ATP11B: variants seen among roughly 807,000 people sequenced by gnomAD.
The protein encoded by ATP11B is ATPase phospholipid transporting 11B (putative), also known as phospholipid-transporting ATPase IF.
A neutral mutation model predicts 157.8 loss-of-function variants in ATP11B; 81 were observed. The observed-to-expected ratio is 0.51, with a 90% confidence interval of 0.43 to 0.62. The LOEUF (loss-of-function observed/expected upper bound fraction) is 0.62, where lower values mean the gene tolerates loss of function less well. ATP11B is among the 20% of genes least tolerant of loss of function. ATP11B has a pLI of 0.00. For synonymous variants in ATP11B, 451 were observed against 469.4 expected, an observed-to-expected ratio of 0.96 and a Z score of 0.51; for missense variants, 1,165 against 1,402.2, an observed-to-expected ratio of 0.83 and a Z score of 2.70.
chr3:182,817,268 G>A (rs1717020495), intron 1 of ATP11B, among the ~76,000 whole-genome samples: 1 of 151,280 alleles, frequency 6.6e-6, no homozygotes, highest in Admixed American at 6.6e-5. Flanking sequence ...GTATTTTGGG[G>A]GGACCGTTTT....
intron 2 of ATP11B, among the ~76,000 whole-genome samples, chr3:182,822,169 G>T (rs1560064783): frequency 6.6e-6 from 1 of 151,534 alleles, no homozygotes; most frequent in Non-Finnish European, 1.5e-5. Context: ...TGCACAGCGT[G>T]CAGGTTTGTT....
At chr3:182,855,739 T>C (rs534917486) in intron 10 of ATP11B, among the ~76,000 whole-genome samples, 4 of 152,240 alleles carry the variant, frequency 2.6e-5, no homozygotes, top group African/African-American at 9.6e-5. Flanking sequence ...ACCACATGCA[T>C]AATACATATT....
intron 8 of ATP11B, chr3:182,844,650 G>A (rs1719324720): frequency 1.9e-6 from 1 of 529,362 alleles, no homozygotes. Flanking sequence ...AACATACCTT[G>A]TACTTTGTAT....
intron 10 of ATP11B, 104 bp from the exon 11 acceptor site, chr3:182,857,774 C>A: frequency 1.6e-6 from 1 of 644,016 alleles, no homozygotes; most frequent in Non-Finnish European, 2.6e-6. Context: ...ACAGTAATAC[C>A]CTCTATGTTT....
chr3:182,867,898 A>T (rs560647), intron 15 of ATP11B, among the ~76,000 whole-genome samples: 78,907 of 152,044 alleles, frequency 0.52, 23,302 homozygotes, highest in Non-Finnish European at 0.67. Flanking sequence ...GGGTTGTTTT[A>T]AAAAGAGGTA....
At position 182,880,903 on chromosome 3, in the gene ATP11B, C is replaced by A; in HGVS notation, c.2431C>A (p.Pro811Thr). The change falls in exon 21 of 30, where the codon CCT becomes ACT. Residue 811 changes from proline (P) to threonine (T), a missense_variant. By Grantham distance (38) the Pro-to-Thr change is conservative (BLOSUM62 -1). Around this residue, in one of 4 missense-constraint regions of ATP11B, gnomAD observed 737 missense variants for 930.5 expected, o/e 0.79. Transcript: ENST00000323116. ...GGTAATAAGACTAATAAAAATATCA[C>A]CTGAGAAACCTATAACATTGGCTGT... ...AKVIRLIKIS[P>T]EKPITLAVGD... is the part of the protein sequence containing the mutation. 1.3e-6 allele frequency: 2 copies of A among 1,595,306 alleles called. No homozygotes were observed. The highest frequency in any genetic ancestry group is 1.7e-6 in the Non-Finnish European group (2 of 1,173,048).
chr3:182,842,031 C>G, intron 7 of ATP11B, 44 bp from the exon 8 acceptor site: 3 of 1,268,470 alleles, frequency 2.4e-6, no homozygotes, highest in Non-Finnish European at 3.4e-6. Context: ...CCATTGATGT[C>G]ATAAGTGATA....
intron 4 of ATP11B, chr3:182,833,957 C>T (rs1362138089): frequency 6.6e-6 from 1 of 152,080 alleles, no homozygotes; most frequent in Non-Finnish European, 1.5e-5. Context: ...TTAAGGAAGC[C>T]AGAAGATGCT....
intron 10 of ATP11B, among the ~76,000 whole-genome samples, chr3:182,855,796 T>G (rs913172327): frequency 6.6e-6 from 1 of 152,136 alleles, no homozygotes; most frequent in African/African-American, 2.4e-5. Flanking sequence ...TGAAAAGATA[T>G]TCAGCATCAT....
chr3:182,878,422 C>T (rs1338450790), intron 19 of ATP11B, among the ~76,000 whole-genome samples: 1 of 152,182 alleles, frequency 6.6e-6, no homozygotes, highest in Non-Finnish European at 1.5e-5. Context: ...TGAGTACTGG[C>T]TTTCAGCAAC....
At chr3:182,795,088 G>T (rs1715517863) in intron 1 of ATP11B, among the ~76,000 whole-genome samples, 1 of 151,550 alleles carries the variant, frequency 6.6e-6, no homozygotes, top group Non-Finnish European at 1.5e-5. Context: ...TCCTACAAAT[G>T]TTGGGTCTCT....
chr3:182,869,794 T>A (rs543646), intron 17 of ATP11B, among the ~76,000 whole-genome samples: 109,049 of 152,152 alleles, frequency 0.72, 39,555 homozygotes, highest in Non-Finnish European at 0.78. Context: ...CACAAAAAAA[T>A]CTTATACACG....
intron 21 of ATP11B, among the ~76,000 whole-genome samples, chr3:182,882,208 C>T (rs75593308): frequency 0.039 from 5,874 of 152,176 alleles, 149 homozygotes; most frequent in Non-Finnish European, 0.057. Flanking sequence ...CAACTCCTTC[C>T]TCTTTCAGAT....
Position 182,820,328 on chromosome 3 carries a change from C to A in ATP11B, c.96C>A (p.Gly32=), listed in dbSNP as rs1717250942. The change falls in exon 2 of 30, where the codon GGC becomes GGA. Residue 32 remains glycine, a synonymous_variant. Coordinates refer to ENST00000323116, the MANE Select transcript of ATP11B (RefSeq NM_014616.3). ...TAGCCAACAGGTTTCCTCAGAATGG[C>A]CTTTACACACCTCAGAAATTTATAG... is the stretch of plus-strand genomic sequence containing the variant. The part of the protein sequence containing the change: ...IYVANRFPQN[G]LYTPQKFIDN... 1.2e-6 allele frequency: 2 copies of A among 1,613,564 alleles called. No individual in the cohort carries two copies. Among genetic ancestry groups the A allele is most frequent in the Non-Finnish European group, 1.7e-6 (2 of 1,179,498 alleles).
chr3:182,858,008 C>T lies in ATP11B; in HGVS notation c.982C>T (p.His328Tyr), dbSNP rs1355931745. 5.6e-6 allele frequency: 9 copies of T among 1,610,962 alleles called. No homozygotes were observed. Among genetic ancestry groups the T allele is most frequent in the African/African-American group, 2.7e-5 (2 of 74,858 alleles). ...DEPWYNQKTE[H>Y]QRNSSKILRF... ...ACCTTGGTATAACCAAAAAACAGAA[C>T]ATCAAAGAAATAGCAGTAAGGTATT... The change falls in exon 11 of 30, where the codon CAT becomes TAT. Residue 328 changes from histidine to tyrosine, a missense_variant. This residue lies in a region of ATP11B where 737 missense variants were observed against 930.5 expected (regional missense o/e 0.79). Transcript: ENST00000323116.
chr3:182,800,795 T>TC (rs1715951663), intron 1 of ATP11B, among the ~76,000 whole-genome samples: 1 of 151,646 alleles, frequency 6.6e-6, no homozygotes. Flanking sequence ...ATTTTTTTTT[T>TC]TTTTTAAGAC....
chr3:182,866,854 AATT>A (rs63093361), intron 14 of ATP11B, among the ~76,000 whole-genome samples: 76,415 of 146,444 alleles, frequency 0.52, 22,771 homozygotes, highest in Non-Finnish European at 0.68. Context: ...AATAAATAAA[AATT>A]ATTATATATA....
At chr3:182,818,081 T>G (rs1257098884) in intron 1 of ATP11B, among the ~76,000 whole-genome samples, 1 of 152,168 alleles carries the variant, frequency 6.6e-6, no homozygotes, top group Non-Finnish European at 1.5e-5. Context: ...ATCTGTTGAG[T>G]TGAGCTGAAA....
chr3:182,902,478 T>C (rs1222843980), intron 28 of ATP11B: 24 of 1,288,432 alleles, frequency 1.9e-5, no homozygotes, highest in Non-Finnish European at 2.1e-5. Flanking sequence ...TGTCCACTTA[T>C]AGATGTACTC....
Sources: allele counts gnomAD v4.1 joint callset (sites outside exome capture counted in the v4.1 genomes callset), GRCh38; gene constraint gnomAD v4.1.1; regional missense constraint gnomAD v4.1.1; transcripts MANE v1.5; gene names NCBI Gene and HGNC (gene_info 2026-07-23, HGNC 2026-07-21).